The following SPAG5 variants were observed in gnomAD, a reference collection of about 807,000 sequenced individuals.
SPAG5 encodes the protein sperm associated antigen 5.
A neutral mutation model predicts 145.4 loss-of-function variants in SPAG5; 99 were observed. The observed-to-expected ratio is 0.68, with a 90% CI of 0.58 to 0.80. SPAG5 has a LOEUF of 0.80. Among genes scored for constraint, SPAG5 ranks in the 30% least tolerant of loss-of-function variants. SPAG5 has a pLI of 0.00. For missense variants in SPAG5, 1,192 were observed against 1,416.0 expected (o/e 0.84, Z 2.54); for synonymous variants, 477 against 525.4 (o/e 0.91, Z 1.26).
In SPAG5 at chr17:28,598,547, G is replaced by C. The variant is rs1054331207; in HGVS notation, c.140C>G (p.Ser47Cys). The C allele has an allele frequency of 6.2e-7, 1 of 1,613,964 alleles. No homozygotes were observed. The highest frequency in any genetic ancestry group is 8.5e-7 in the Non-Finnish European group (1 of 1,179,978). The change falls in exon 2 of 24, where the codon TCC (serine) becomes TGC (cysteine). Residue 47 changes from serine to cysteine, a missense_variant. By Grantham distance (112) the Ser-to-Cys change is moderately radical. Coordinates refer to ENST00000321765, the MANE Select transcript of SPAG5 (RefSeq NM_006461.4). Reference sequence around the variant, plus strand: ...CTTGCACAGTGATGGGGTCAGCGAGGAGCAAGCGGGGGATCTTTTTCCAGA... The same window carrying C: ...CTTGCACAGTGATGGGGTCAGCGAGCAGCAAGCGGGGGATCTTTTTCCAGA... ...TNSGKRSPAC[S>C]SLTPSLCKLG...
chr17:28,584,020 G>A (rs376213356), intron 13 of SPAG5, 34 bp from the exon 14 acceptor site: 1 of 1,613,414 alleles, frequency 6.2e-7, no homozygotes, highest in Non-Finnish European at 8.5e-7. Flanking sequence ...AGACAGGGAG[G>A]GAGAATTTTA....
chr17:28,585,315 T>C lies in SPAG5; in HGVS notation c.1953+4A>G. 6.2e-7 allele frequency: 1 copy of C among 1,613,738 alleles called. No individual in the cohort carries two copies. Among genetic ancestry groups the C allele is most frequent in the Middle Eastern group, 1.7e-4 (1 of 6,060 alleles). On this transcript the variant is annotated splice_donor_region_variant and intron_variant, in intron 9 of 23. Coordinates refer to ENST00000321765, the MANE Select transcript of SPAG5 (RefSeq NM_006461.4). Reference sequence around the variant, plus strand: ...AATTAGTTATGATGGTCCCAAATACTCACATCCAGTTGCATGGACCTCCAG... The same window carrying C: ...AATTAGTTATGATGGTCCCAAATACCCACATCCAGTTGCATGGACCTCCAG...
chr17:28,579,802 C>T lies in SPAG5; in HGVS notation c.2833G>A (p.Asp945Asn). Reference protein sequence around the residue: ...ESTPVPLLGSDKSAFTRVASM... With the variant: ...ESTPVPLLGSNKSAFTRVASM... ...GCTACTCGGGTGAAAGCACTCTTGT[C>T]ACTTCCAAGCAAGGGCACAGGAGTT... Residue 945 changes from aspartate to asparagine, a missense_variant, in exon 17 of 24, where the codon GAC becomes AAC. This residue lies in a region of SPAG5 where 709 missense variants were observed against 840.7 expected (regional missense o/e 0.84). Transcript: ENST00000321765. 6.2e-7 allele frequency: 1 copy of T among 1,614,196 alleles called. No homozygotes were observed. The highest frequency in any genetic ancestry group is 2.2e-5 in the East Asian group (1 of 44,882).
At chr17:28,583,697 T>G in intron 14 of SPAG5, 48 bp from the exon 15 acceptor site, 1 of 1,563,292 alleles carries the variant, frequency 6.4e-7, no homozygotes, top group Non-Finnish European at 8.6e-7. Flanking sequence ...TTACCTTCTC[T>G]GAACGCCTAT....
intron 16 of SPAG5, 77 bp downstream of exon 16, chr17:28,579,932 G>A (rs2070539503): frequency 6.6e-7 from 1 of 1,517,848 alleles, no homozygotes; most frequent in South Asian, 1.1e-5. Context: ...CAAGCCCGCT[G>A]GTGGACATCT....
At chr17:28,593,235 A>G (rs894200024) in intron 2 of SPAG5, among the ~76,000 whole-genome samples, 169 bp from the exon 3 acceptor site, 1 of 152,258 alleles carries the variant, frequency 6.6e-6, no homozygotes, top group Non-Finnish European at 1.5e-5. Flanking sequence ...TAGTAGGGAA[A>G]GAAAAGCTGC....
At position 28,579,826 on chromosome 17, in the gene SPAG5, T is replaced by C. The variant is rs775146368; in HGVS notation, c.2809A>G (p.Thr937Ala). The C allele has an allele frequency of 1.2e-5, 19 of 1,613,660 alleles. No individual in the cohort carries two copies. The South Asian group carries it at 1.4e-4, about 12-fold the overall frequency. ...TCACTTCCAAGCAAGGGCACAGGAG[T>C]TGATTCTGGCTCTAAGAGAAAAACC... ...TAVADEEPESTPVPLLGSDKS... is the reference protein window; with the variant it reads ...TAVADEEPESAPVPLLGSDKS... The change falls in exon 17 of 24, where the codon ACT becomes GCT. Residue 937 changes from threonine to alanine, a missense_variant. Physicochemically the swap from Thr to Ala is moderately conservative, Grantham distance 58. Around this residue, in one of 5 missense-constraint regions of SPAG5, gnomAD observed 709 missense variants for 840.7 expected, o/e 0.84. Coordinates refer to ENST00000321765, the MANE Select transcript of SPAG5 (RefSeq NM_006461.4).
At chr17:28,594,097 A>T (rs2070643173) in intron 2 of SPAG5, among the ~76,000 whole-genome samples, 2 of 152,140 alleles carry the variant, frequency 1.3e-5, no homozygotes, top group African/African-American at 4.8e-5. Context: ...GAACATATAT[A>T]CATGAGGCGC....
At chr17:28,587,248 TAA>T (rs1555536335) in intron 4 of SPAG5, among the ~76,000 whole-genome samples, 34 of 101,068 alleles carry the variant, frequency 3.4e-4, no homozygotes, top group Admixed American at 4.2e-4. Flanking sequence ...ACCCCATCTC[TAA>T]AAAAAAAAAA....
rs752859065 is a variant in SPAG5 at position 28,598,997 on chromosome 17, A to G, written c.-51T>C. The G allele has an allele frequency of 8.0e-5, 126 of 1,569,612 alleles. No homozygotes were observed. Among genetic ancestry groups the G allele is most frequent in the Non-Finnish European group, 1.0e-4 (119 of 1,140,112 alleles). Reference sequence around the variant, plus strand: ...CGTCTCAGACCAAGTCGAGGACGCCATGTTCACCCGCCGTCTGTGTTTGAA... The same window carrying G: ...CGTCTCAGACCAAGTCGAGGACGCCGTGTTCACCCGCCGTCTGTGTTTGAA... On this transcript the variant is annotated 5_prime_UTR_variant, in exon 1 of 24. It removes an upstream start codon present in the reference 5' UTR. Coordinates refer to ENST00000321765, the MANE Select transcript of SPAG5 (RefSeq NM_006461.4).
At chr17:28,597,439 T>G (rs1168785143) in intron 2 of SPAG5, among the ~76,000 whole-genome samples, 1 of 152,148 alleles carries the variant, frequency 6.6e-6, no homozygotes, top group Non-Finnish European at 1.5e-5. Context: ...AATTCAATTC[T>G]TCAGTCACCT....
chr17:28,588,791 C>T (rs968967617), intron 4 of SPAG5, among the ~76,000 whole-genome samples: 7 of 152,160 alleles, frequency 4.6e-5, no homozygotes, highest in African/African-American at 1.2e-4. Flanking sequence ...AAGCAATTCT[C>T]ATGCCTCAGC....
intron 4 of SPAG5, among the ~76,000 whole-genome samples, chr17:28,587,337 G>A (rs1188200326): frequency 1.3e-4 from 19 of 151,576 alleles, no homozygotes; most frequent in African/African-American, 2.9e-4. Flanking sequence ...ACCTGAGGTC[G>A]GGAGTTCGAG....
intron 2 of SPAG5, among the ~76,000 whole-genome samples, chr17:28,595,595 A>G (rs1255645656): frequency 6.6e-6 from 1 of 151,584 alleles, no homozygotes; most frequent in African/African-American, 2.4e-5. Context: ...TAAAAATACA[A>G]AAAATTAGCC....
At chr17:28,582,818 G>A (rs2070557503) in intron 15 of SPAG5, 1 of 152,188 alleles carries the variant, frequency 6.6e-6, no homozygotes. Flanking sequence ...TTGAAACATA[G>A]TCTGGTTGAA....
In SPAG5 at chr17:28,592,400, A is replaced by C; in HGVS notation, c.844T>G (p.Phe282Val). ...HGAMEEREMR[F>V]PTHPKESETE... ...TCAGACTCCTTAGGATGTGTGGGAA[A>C]CCTCATTTCTCTTTCCTCCATAGCT... Residue 282 changes from phenylalanine (F) to valine (V), a missense_variant, in exon 3 of 24, where the codon TTT (phenylalanine) becomes GTT (valine). Physicochemically the swap from Phe to Val is conservative, Grantham distance 50 (BLOSUM62 -1). This residue lies in a region of SPAG5 where 329 missense variants were observed against 354.0 expected (regional missense o/e 0.93). Transcript: ENST00000321765. The C allele has an allele frequency of 1.9e-6, 3 of 1,614,034 alleles. No individual in the cohort carries two copies. The highest frequency in any genetic ancestry group is 1.3e-5 in the African/African-American group (1 of 75,032).
At position 28,577,673 on chromosome 17, in the gene SPAG5, T is replaced by C; in HGVS notation, c.*26A>G. On this transcript the variant is annotated 3_prime_UTR_variant, in exon 24 of 24. Transcript: ENST00000321765. ...AGGGGGTATTGCAGGTAAAAAGAGGTGAAGCAGATTCTGGCTTTCAGTTTC... is the reference window on the plus strand; with the variant it reads ...AGGGGGTATTGCAGGTAAAAAGAGGCGAAGCAGATTCTGGCTTTCAGTTTC... 8 of 1,580,074 alleles carry C rather than the reference T, an allele frequency of 5.1e-6. No homozygotes were observed. Among genetic ancestry groups the C allele is most frequent in the Non-Finnish European group, 7.0e-6 (8 of 1,149,090 alleles).
chr17:28,592,464 G>C lies in SPAG5; in HGVS notation c.780C>G (p.Val260=). 5 of 1,613,724 alleles carry C rather than the reference G, an allele frequency of 3.1e-6. No individual in the cohort carries two copies. Among genetic ancestry groups the C allele is most frequent in the Non-Finnish European group, 4.2e-6 (5 of 1,180,036 alleles). ...PSTALAADFR[V]NHVDPEEEIV... ...TTTCCTCCTCTGGGTCCACATGATT[G>C]ACACGGAAATCTGCTGCCAAGGCAG... The change falls in exon 3 of 24, where the codon GTC becomes GTG. Residue 260 remains valine (V), a synonymous_variant. Transcript: ENST00000321765.
chr17:28,580,330 C>T (rs1463077170), intron 15 of SPAG5: 1 of 340,280 alleles, frequency 2.9e-6, no homozygotes, highest in East Asian at 4.4e-5. Flanking sequence ...CAAACCTAAA[C>T]AAAACAAAAC....
Sources: allele counts gnomAD v4.1 joint callset (sites outside exome capture counted in the v4.1 genomes callset), GRCh38; gene constraint gnomAD v4.1.1; regional missense constraint gnomAD v4.1.1; transcripts MANE v1.5; gene names NCBI Gene and HGNC (gene_info 2026-07-23, HGNC 2026-07-21).